Variants in ARGLU1 observed in about 807,000 individuals in gnomAD.
The protein encoded by ARGLU1 is arginine and glutamate-rich protein 1.
In ARGLU1, 9 loss-of-function variants were observed where a neutral mutation model predicts 37.6. The observed-to-expected ratio is 0.24, with a 90% confidence interval of 0.14 to 0.42. The LOEUF is 0.42. ARGLU1 is among the 10% of genes least tolerant of loss of function. ARGLU1 has a pLI of 1.00. For synonymous variants in ARGLU1, 166 were observed against 138.5 expected (o/e 1.20, Z -1.39); for missense variants, 211 against 359.2 (o/e 0.59, Z 3.34).
intron 2 of ARGLU1, chr13:106,559,188 T>A: frequency 6.8e-7 from 1 of 1,462,732 alleles, no homozygotes; most frequent in Non-Finnish European, 9.1e-7. Context: ...ACTTCTCAAA[T>A]AGCCAGTTCC....
At chr13:106,562,617 C>T (rs1486935068) in intron 1 of ARGLU1, among the ~76,000 whole-genome samples, 2 of 152,070 alleles carry the variant, frequency 1.3e-5, no homozygotes, top group African/African-American at 4.8e-5. Flanking sequence ...CTGACGAAAG[C>T]ATTAAATCAA....
chr13:106,567,465 G>A lies in ARGLU1; in HGVS notation c.347+108C>T. ...TTCCCGCGCCCGGTCCCCAGCCCCG[G>A]ACCGTCCCCGCCATTCTCCCGGCCC... On this transcript the variant is annotated intron_variant, in intron 1 of 3. Coordinates refer to ENST00000400198, the MANE Select transcript of ARGLU1 (RefSeq NM_018011.4). The surrounding 1 kb of genome is among the most constrained non-coding windows in gnomAD (Gnocchi z 4.3). The A allele has an allele frequency of 2.6e-6, 2 of 774,618 alleles. No homozygotes were observed. The highest frequency in any genetic ancestry group is 3.9e-6 in the Non-Finnish European group (2 of 507,094). 48.0% of individuals were successfully genotyped at this position (774,618 alleles called of 1,614,324 possible).
chr13:106,556,062 C>T (rs1480447663), intron 3 of ARGLU1, among the ~76,000 whole-genome samples: 1 of 152,122 alleles, frequency 6.6e-6, no homozygotes, highest in African/African-American at 2.4e-5. Flanking sequence ...GAGGTTCTCT[C>T]CTTATATGGA....
chr13:106,548,941 C>A lies in ARGLU1; in HGVS notation c.658-4781G>T, dbSNP rs184128301. On this transcript the variant is annotated intron_variant, in intron 3 of 3. Coordinates refer to ENST00000400198, the MANE Select transcript of ARGLU1 (RefSeq NM_018011.4). ...TTTTTTTGTAGTATTTTAGTAGAGA[C>A]GGAGTTTCATCTTGTTAGCCAGGAT... Among the ~76,000 whole-genome samples, 25 of 152,218 alleles carry A rather than the reference C, an allele frequency of 1.6e-4. No homozygotes were observed. The East Asian group carries it at 4.1e-3, about 25-fold the overall frequency.
At chr13:106,554,068 A>C (rs1880598980) in intron 3 of ARGLU1, among the ~76,000 whole-genome samples, 1 of 152,168 alleles carries the variant, frequency 6.6e-6, no homozygotes, top group South Asian at 2.1e-4. Context: ...GGCCCAGCTC[A>C]AGGGACTACC....
chr13:106,558,823 A>G (rs1309649166), intron 2 of ARGLU1: 1 of 985,232 alleles, frequency 1.0e-6, no homozygotes, highest in Non-Finnish European at 1.2e-6. Context: ...TATTTTTCCT[A>G]AAAAGATTCC....
At position 106,568,022 on chromosome 13, in the gene ARGLU1, G is replaced by A; in HGVS notation, c.-103C>T. 2.8e-6 allele frequency: 4 copies of A among 1,453,654 alleles called. No individual in the cohort carries two copies. The highest frequency in any genetic ancestry group is 2.7e-6 in the Non-Finnish European group (3 of 1,109,602). The allele number at this position is 1,453,654 out of a possible 1,614,324, so 90.0% of individuals were successfully genotyped here. A position where few individuals can be genotyped will look rare whatever the true frequency, so the allele number is the denominator to read the frequency against. On this transcript the variant is annotated 5_prime_UTR_variant, in exon 1 of 4. Transcript: ENST00000400198. ...GGCTGGCGGTTCTACCGAGGCCGGA[G>A]GAAAGAAAGGTGTCGGCCAACGGAC...
At chr13:106,546,455 T>C (rs1426154164) in intron 3 of ARGLU1, among the ~76,000 whole-genome samples, 1 of 152,244 alleles carries the variant, frequency 6.6e-6, no homozygotes, top group Non-Finnish European at 1.5e-5. Flanking sequence ...ATGGAAATCC[T>C]ACCTGTACAT....
chr13:106,545,703 A>C (rs1207439579), intron 3 of ARGLU1, among the ~76,000 whole-genome samples: 2 of 152,246 alleles, frequency 1.3e-5, no homozygotes, highest in African/African-American at 2.4e-5. Context: ...GGAAGAACGC[A>C]AAGAAGTTTA....
intron 1 of ARGLU1, among the ~76,000 whole-genome samples, chr13:106,565,090 A>G (rs1047383840): frequency 4.6e-5 from 7 of 152,180 alleles, no homozygotes; most frequent in Non-Finnish European, 8.8e-5. Context: ...TCCATCCTAC[A>G]CAACAATCAA....
At position 106,544,215 on chromosome 13, in the gene ARGLU1, T is replaced by C. The variant is rs890081703; in HGVS notation, c.658-55A>G. On this transcript the variant is annotated intron_variant, in intron 3 of 3. Transcript: ENST00000400198. ...GAAATGTATTAAAAATTATCATATG[T>C]ACCCCTGCAACAGGTGTTATCTATT... 5 of 1,403,230 alleles carry C rather than the reference T, an allele frequency of 3.6e-6. No individual in the cohort carries two copies. In the Admixed American group the frequency reaches 7.8e-5, roughly 22 times the overall value. 86.9% of individuals were successfully genotyped at this position (1,403,230 alleles called of 1,614,324 possible).
chr13:106,563,797 A>C (rs1032858558), intron 1 of ARGLU1, among the ~76,000 whole-genome samples: 2 of 152,210 alleles, frequency 1.3e-5, no homozygotes, highest in Non-Finnish European at 2.9e-5. Context: ...CTGCCCAAGT[A>C]TTCTAAGAAT....
chr13:106,557,007 A>AAT lies in ARGLU1; in HGVS notation c.657+40_657+41insAT, dbSNP rs1566473605. On this transcript the variant is annotated intron_variant, in intron 3 of 3. Coordinates refer to ENST00000400198, the MANE Select transcript of ARGLU1 (RefSeq NM_018011.4). The surrounding 1 kb of genome is among the most constrained non-coding windows in gnomAD (Gnocchi z 5.0). The stretch of plus-strand genomic sequence containing the variant: ...CACAAAATCCGAAAAAAGGAAATAA[A>AAT]GCAAAATACAAAACACTTTTCATGT... The AAT allele has an allele frequency of 6.4e-7, 1 of 1,552,472 alleles. No individual in the cohort carries two copies. Among genetic ancestry groups the AAT allele is most frequent in the Admixed American group, 1.7e-5 (1 of 59,344 alleles).
intron 1 of ARGLU1, among the ~76,000 whole-genome samples, chr13:106,565,090 A>C (rs1047383840): frequency 1.3e-5 from 2 of 152,180 alleles, no homozygotes; most frequent in African/African-American, 4.8e-5. Context: ...TCCATCCTAC[A>C]CAACAATCAA....
intron 3 of ARGLU1, among the ~76,000 whole-genome samples, chr13:106,553,180 T>C (rs1880576762): frequency 6.6e-6 from 1 of 152,232 alleles, no homozygotes; most frequent in Non-Finnish European, 1.5e-5. Context: ...AGACTACCAA[T>C]TAAGGATAAC....
chr13:106,548,141 A>C (rs926184404), intron 3 of ARGLU1, among the ~76,000 whole-genome samples: 1 of 152,172 alleles, frequency 6.6e-6, no homozygotes, highest in Non-Finnish European at 1.5e-5. Flanking sequence ...ATTTTGTTCT[A>C]CTATGGCTTT....
At chr13:106,564,796 T>C (rs762404983) in intron 1 of ARGLU1, among the ~76,000 whole-genome samples, 1 of 152,206 alleles carries the variant, frequency 6.6e-6, no homozygotes, top group Non-Finnish European at 1.5e-5. Flanking sequence ...CCAAAACTAG[T>C]GCTCACAGTG....
chr13:106,557,735 G>A lies in ARGLU1; in HGVS notation c.574-604C>T. The A allele has an allele frequency of 2.2e-6, 3 of 1,347,148 alleles. No homozygotes were observed. Among genetic ancestry groups the A allele is most frequent in the East Asian group, 2.9e-5 (1 of 34,628 alleles). 83.4% of individuals were successfully genotyped at this position (1,347,148 alleles called of 1,614,324 possible). A position where few individuals can be genotyped will look rare whatever the true frequency, so the allele number is the denominator to read the frequency against. ...GAATGCAGATGTTTATGGTAAGAAG[G>A]AACAAAAAATGTAATTCATCATTCC... On this transcript the variant is annotated intron_variant, in intron 2 of 3. Transcript: ENST00000400198. The surrounding 1 kb of genome is among the most constrained non-coding windows in gnomAD (Gnocchi z 5.0).
At chr13:106,555,534 A>G (rs1430797029) in intron 3 of ARGLU1, among the ~76,000 whole-genome samples, 2 of 152,126 alleles carry the variant, frequency 1.3e-5, no homozygotes, top group African/African-American at 4.8e-5. Context: ...CAGCAATATG[A>G]CCTCATTTTT....
Sources: allele counts gnomAD v4.1 joint callset (sites outside exome capture counted in the v4.1 genomes callset), GRCh38; gene constraint gnomAD v4.1.1; non-coding constraint Gnocchi (gnomAD v3.1); transcripts MANE v1.5; gene names NCBI Gene and HGNC (gene_info 2026-07-23, HGNC 2026-07-21).